Variants in LAMC3 observed in about 807,000 individuals in gnomAD.
LAMC3 encodes the protein laminin subunit gamma 3.
A neutral mutation model predicts 173.8 loss-of-function variants in LAMC3; 128 were observed. The ratio of observed to expected loss-of-function variants is 0.74; its 90% confidence interval spans 0.64 to 0.85. The LOEUF is 0.85. LAMC3 is among the 40% of genes least tolerant of loss of function. LAMC3 has a pLI of 0.00. For synonymous variants in LAMC3, 897 were observed against 909.1 expected (o/e 0.99, Z 0.24); for missense variants, 2,022 against 2,156.0 (o/e 0.94, Z 1.23).
intron 1 of LAMC3, among the ~76,000 whole-genome samples, chr9:131,017,624 G>T (rs1296979355): frequency 6.6e-6 from 1 of 151,050 alleles, no homozygotes; most frequent in Non-Finnish European, 1.5e-5. Flanking sequence ...TACTTGGGAG[G>T]CTGAGGCAGG....
At chr9:131,071,729 T>A in intron 18 of LAMC3, 104 bp downstream of exon 18, 1 of 1,249,080 alleles carries the variant, frequency 8.0e-7, no homozygotes, top group South Asian at 1.6e-5. Context: ...AAAACAGCCC[T>A]GTTGCCATGG....
At chr9:131,091,458 AGAG>A in intron 27 of LAMC3, 76 bp from the exon 28 acceptor site, 1 of 1,525,426 alleles carries the variant, frequency 6.6e-7, no homozygotes, top group Non-Finnish European at 8.9e-7. Flanking sequence ...TGAGCTGGGG[AGAG>A]GCTCAGGGGC....
intron 20 of LAMC3, among the ~76,000 whole-genome samples, chr9:131,074,014 T>C (rs935621134): frequency 7.6e-5 from 11 of 144,632 alleles, no homozygotes; most frequent in South Asian, 2.3e-4. Flanking sequence ...TGGCGCTATC[T>C]CGGCTCACTG....
In LAMC3 at chr9:131,009,601, G is replaced by A; in HGVS notation, c.373+14G>A. ...CCCTCCGCCTAGGTAAGCGCGGGCT[G>A]GGGGCACCGCCACCGCACCCCGTGT... On this transcript the variant is annotated intron_variant, in intron 1 of 27. Transcript: ENST00000361069. The surrounding 1 kb of genome is among the most constrained non-coding windows in gnomAD (Gnocchi z 4.3). 7 of 1,562,794 alleles carry A rather than the reference G, an allele frequency of 4.5e-6. No individual in the cohort carries two copies. Among genetic ancestry groups the A allele is most frequent in the Non-Finnish European group, 5.2e-6 (6 of 1,155,614 alleles).
In LAMC3 at chr9:131,072,642, C is replaced by G. The variant is rs371124007; in HGVS notation, c.3224C>G (p.Ala1075Gly). ...GGGCTTCCCATAGGGGCTCGGGAAGCCTTCCTGGAGCAGATGATGAGCCTC... is the reference window on the plus strand; with the variant it reads ...GGGCTTCCCATAGGGGCTCGGGAAGGCTTCCTGGAGCAGATGATGAGCCTC... ...GHHLLPGARE[A>G]FLEQMMSLEG... The change falls in exon 19 of 28, where the codon GCC (alanine) becomes GGC (glycine). Residue 1075 changes from alanine (A) to glycine (G), a missense_variant. Physicochemically the swap from Ala to Gly is moderately conservative, Grantham distance 60. Transcript: ENST00000361069. The G allele has an allele frequency of 1.7e-5, 27 of 1,610,170 alleles. No individual in the cohort carries two copies. The highest frequency in any genetic ancestry group is 1.3e-4 in the African/African-American group (10 of 74,952).
chr9:131,074,728 A>G (rs1830094061), intron 20 of LAMC3, among the ~76,000 whole-genome samples: 2 of 151,610 alleles, frequency 1.3e-5, no homozygotes, highest in South Asian at 4.2e-4. Flanking sequence ...ACGCAGCTTA[A>G]GATCCTAAAA....
At chr9:131,073,944 C>CTTTTTTTTTTTTTTTTTTTT (rs57877574) in intron 20 of LAMC3, among the ~76,000 whole-genome samples, 1 of 90,826 alleles carries the variant, frequency 1.1e-5, no homozygotes, top group Non-Finnish European at 2.1e-5. Flanking sequence ...CTTTTCTTTT[C>CTTTTTTTTTTTTTTTTTTTT]TTTTTTTTTT....
At chr9:131,043,275 G>A (rs1311658281) in intron 7 of LAMC3, among the ~76,000 whole-genome samples, 2 of 152,296 alleles carry the variant, frequency 1.3e-5, no homozygotes, top group South Asian at 4.1e-4. Context: ...CCAGCAGTGC[G>A]GCCAGCAGAC....
chr9:131,032,341 C>T (rs1833840696), intron 3 of LAMC3, among the ~76,000 whole-genome samples, 166 bp downstream of exon 3: 2 of 152,014 alleles, frequency 1.3e-5, no homozygotes, highest in South Asian at 4.1e-4. Flanking sequence ...CACACCCAGC[C>T]CACCTCCTGC....
rs1414491346 is a variant in LAMC3 at position 131,070,779 on chromosome 9, T to C, written c.3070-705T>C. Among the ~76,000 whole-genome samples, 4 of 152,020 alleles carry C rather than the reference T, an allele frequency of 2.6e-5. No homozygotes were observed. The East Asian group carries it at 7.7e-4, about 29-fold the overall frequency. On this transcript the variant is annotated intron_variant, in intron 17 of 27. Transcript: ENST00000361069. ...CCCCACTGTGAATGGGCAGCCCCCATAGTCAAGCCCAGTGATATTTATGCA... is the reference window on the plus strand; with the variant it reads ...CCCCACTGTGAATGGGCAGCCCCCACAGTCAAGCCCAGTGATATTTATGCA...
In LAMC3 at chr9:131,061,081, C is replaced by G; in HGVS notation, c.2205C>G (p.Arg735=). The G allele has an allele frequency of 6.2e-7, 1 of 1,614,182 alleles. No homozygotes were observed. Among genetic ancestry groups the G allele is most frequent in the Non-Finnish European group, 8.5e-7 (1 of 1,180,038 alleles). ...SHHTEGPSCE[R]CLPGFYGNPF... is the part of the protein sequence containing the mutation. ...ATACCGAGGGCCCATCCTGTGAACG[C>G]TGTTTGCCAGGTTTCTATGGCAACC... The change falls in exon 13 of 28, where the codon CGC becomes CGG. Residue 735 remains arginine, a synonymous_variant. Coordinates refer to ENST00000361069, the MANE Select transcript of LAMC3 (RefSeq NM_006059.4).
Position 131,091,649 on chromosome 9 carries a change from T to C in LAMC3, c.4590T>C (p.Ser1530=), listed in dbSNP as rs1830429343. The part of the protein sequence containing the change: ...GSPGSLQRKL[S]LLEQESQQQE... ...CGGGGTCCTTGCAGAGGAAACTCAG[T>C]CTGCTGGAGCAGGAATCCCAGCAGC... The change falls in exon 28 of 28, where the codon AGT becomes AGC. Residue 1530 remains serine, a synonymous_variant. Coordinates refer to ENST00000361069, the MANE Select transcript of LAMC3 (RefSeq NM_006059.4). The C allele has an allele frequency of 6.2e-7, 1 of 1,605,782 alleles. No individual in the cohort carries two copies. Among genetic ancestry groups the C allele is most frequent in the Admixed American group, 1.7e-5 (1 of 58,556 alleles).
chr9:131,077,676 C>CAAA lies in LAMC3; in HGVS notation c.3777+377_3777+379dup, dbSNP rs56320740. On this transcript the variant is annotated intron_variant, in intron 22 of 27. Transcript: ENST00000361069. ...TGGGCGACAGAGCAAGACTCCATCTCAAAAAAAAAAAAAAAAAAAAAAAAA... is the reference window on the plus strand; with the variant it reads ...TGGGCGACAGAGCAAGACTCCATCTCAAAAAAAAAAAAAAAAAAAAAAAAAAAA... 2.5e-4 allele frequency among the ~76,000 whole-genome samples: 7 copies of CAAA among 27,724 alleles called. 1 individual carries two copies. The highest frequency in any genetic ancestry group is 3.1e-4 in the Non-Finnish European group (5 of 16,134). 18.2% of individuals were successfully genotyped at this position (27,724 alleles called of 152,430 possible).
rs2133335594 is a variant in LAMC3 at position 131,077,269 on chromosome 9, A to G, written c.3712A>G (p.Thr1238Ala). Reference sequence around the variant, plus strand: ...GCCTGAAGCGGAAAGCGTGTTGGCCACCGTGCAGCAAGTTGGCGCAGATAC... The same window carrying G: ...GCCTGAAGCGGAAAGCGTGTTGGCCGCCGTGCAGCAAGTTGGCGCAGATAC... ...VLPEAESVLATVQQVGADTAP... is the reference protein window; with the variant it reads ...VLPEAESVLAAVQQVGADTAP... The change falls in exon 22 of 28, where the codon ACC becomes GCC. Residue 1238 changes from threonine to alanine, a missense_variant. Thr to Ala is a moderately conservative substitution (Grantham distance 58). Transcript: ENST00000361069. 1.4e-5 allele frequency: 22 copies of G among 1,614,022 alleles called. No homozygotes were observed. The highest frequency in any genetic ancestry group is 1.6e-4 in the Middle Eastern group (1 of 6,062).
chr9:131,064,563 T>A (rs1037940985), intron 13 of LAMC3, among the ~76,000 whole-genome samples: 4 of 151,138 alleles, frequency 2.6e-5, no homozygotes, highest in African/African-American at 9.7e-5. Flanking sequence ...CGCGGGAGGC[T>A]GAGGCAGGAG....
chr9:131,069,855 G>A lies in LAMC3; in HGVS notation c.3069+5G>A, dbSNP rs1285732011. ...TACGCCCTGGTGAAGGAGGAGGTGA[G>A]TCGGCCCAGACCCACTCACCTTTCC... On this transcript the variant is annotated splice_donor_5th_base_variant and intron_variant, in intron 17 of 27. Transcript: ENST00000361069. The A allele has an allele frequency of 6.3e-7, 1 of 1,581,310 alleles. No homozygotes were observed. The highest frequency in any genetic ancestry group is 1.3e-5 in the African/African-American group (1 of 74,374).
chr9:131,076,905 T>C (rs1245278047), intron 21 of LAMC3, among the ~76,000 whole-genome samples: 1 of 152,114 alleles, frequency 6.6e-6, no homozygotes, highest in Non-Finnish European at 1.5e-5. Flanking sequence ...TTTGCAAACA[T>C]GTGATTCTTG....
At chr9:131,076,919 G>T (rs1311655398) in intron 21 of LAMC3, among the ~76,000 whole-genome samples, 3 of 152,224 alleles carry the variant, frequency 2.0e-5, no homozygotes, top group Non-Finnish European at 4.4e-5. Context: ...ATTCTTGAGT[G>T]GAAACCAAGC....
At chr9:131,031,360 C>T (rs1343338030) in intron 2 of LAMC3, among the ~76,000 whole-genome samples, 2 of 152,208 alleles carry the variant, frequency 1.3e-5, no homozygotes, top group African/African-American at 2.4e-5. Flanking sequence ...CAGGGATCAG[C>T]AGGTATTTAT....
Sources: allele counts gnomAD v4.1 joint callset (sites outside exome capture counted in the v4.1 genomes callset), GRCh38; gene constraint gnomAD v4.1.1; non-coding constraint Gnocchi (gnomAD v3.1); transcripts MANE v1.5; gene names NCBI Gene and HGNC (gene_info 2026-07-23, HGNC 2026-07-21).